Variants in MACROD2 observed in about 807,000 individuals in gnomAD.
MACROD2 encodes the protein ADP-ribose glycohydrolase MACROD2.
In MACROD2, 36 loss-of-function variants were observed where a neutral mutation model predicts 70.4. The observed-to-expected ratio is 0.51, with a 90% CI of 0.39 to 0.68. MACROD2 has a LOEUF of 0.68. Among genes scored for constraint, MACROD2 ranks in the 30% least tolerant of loss-of-function variants. The pLI, the probability that MACROD2 is intolerant of heterozygous loss-of-function variation, is 0.00. For synonymous variants in MACROD2, 172 were observed against 178.8 expected (o/e 0.96, Z 0.30); for missense variants, 496 against 538.4 (o/e 0.92, Z 0.78).
intron 8 of MACROD2, among the ~76,000 whole-genome samples, chr20:15,502,092 A>T (rs2047372088): frequency 6.6e-6 from 1 of 152,220 alleles, no homozygotes; most frequent in South Asian, 2.1e-4. Context: ...TAGAAAAAAA[A>T]ATTATGTTTG....
intron 8 of MACROD2, among the ~76,000 whole-genome samples, chr20:15,715,394 A>G (rs564024366): frequency 6.6e-6 from 1 of 152,288 alleles, no homozygotes; most frequent in South Asian, 2.1e-4. Flanking sequence ...ATTATTGCCT[A>G]AGTTAGAAAT....
Position 14,002,302 on chromosome 20 carries a change from A to G in MACROD2, c.61A>G (p.Met21Val). ...WREEKERLLKMTLEERRKEYL... is the reference protein window; with the variant it reads ...WREEKERLLKVTLEERRKEYL... ...TATTTTGCAAGAACGTTTATTGAAG[A>G]TGACCTTAGAAGAGAGACGCAAAGA... is the stretch of plus-strand genomic sequence containing the variant. The change falls in exon 2 of 18, where the codon ATG (methionine) becomes GTG (valine). Residue 21 changes from methionine to valine, a missense_variant. By Grantham distance (21) the Met-to-Val change is conservative. Coordinates refer to ENST00000684519, the MANE Select transcript of MACROD2 (RefSeq NM_001351661.2). 2 of 1,594,864 alleles carry G rather than the reference A, an allele frequency of 1.3e-6. No individual in the cohort carries two copies. Among genetic ancestry groups the G allele is most frequent in the Non-Finnish European group, 1.7e-6 (2 of 1,172,506 alleles).
At chr20:15,387,680 A>G (rs1173300759) in intron 6 of MACROD2, among the ~76,000 whole-genome samples, 1 of 151,928 alleles carries the variant, frequency 6.6e-6, no homozygotes, top group Non-Finnish European at 1.5e-5. Flanking sequence ...CCTTACAGGC[A>G]GGGGCAACTG....
chr20:14,540,563 C>A (rs901423720), intron 4 of MACROD2, among the ~76,000 whole-genome samples: 1 of 152,150 alleles, frequency 6.6e-6, no homozygotes, highest in Non-Finnish European at 1.5e-5. Context: ...CAATTACCTT[C>A]AATCTTGACA....
intron 3 of MACROD2, among the ~76,000 whole-genome samples, chr20:14,451,565 T>C (rs1274645935): frequency 1.3e-5 from 2 of 152,180 alleles, no homozygotes; most frequent in African/African-American, 4.8e-5. Flanking sequence ...ATCCCTTCAA[T>C]GGACAGAGAG....
In MACROD2 at chr20:15,669,091, G is replaced by A. The variant is rs147696439; in HGVS notation, c.645+169244G>A. Among the ~76,000 whole-genome samples, 375 of 152,216 alleles carry A rather than the reference G, an allele frequency of 2.5e-3. 2 individuals carry two copies. The highest frequency in any genetic ancestry group is 6.8e-3 in the Middle Eastern group (2 of 294). ...AATATATACTCCAACCTTTTAACAA[G>A]TGAAAAAAGTGAAGTCCAACTATGT... On this transcript the variant is annotated intron_variant, in intron 8 of 17. Transcript: ENST00000684519.
At chr20:14,254,156 T>C (rs2082034770) in intron 3 of MACROD2, among the ~76,000 whole-genome samples, 1 of 152,132 alleles carries the variant, frequency 6.6e-6, no homozygotes, top group Admixed American at 6.5e-5. Context: ...AATACATTTA[T>C]TAGTGAATTA....
chr20:14,934,419 G>A lies in MACROD2; in HGVS notation c.418+249460G>A, dbSNP rs146097046. Among the ~76,000 whole-genome samples, 661 of 152,126 alleles carry A rather than the reference G, an allele frequency of 4.3e-3. 6 individuals are homozygous for A. Among genetic ancestry groups the A allele is most frequent in the African/African-American group, 0.015 (621 of 41,496 alleles). On this transcript the variant is annotated intron_variant, in intron 5 of 17. Transcript: ENST00000684519. ...CTGTAATCCTACGCACCTTCAACCC[G>A]TCTCCCCATGAGATCAGACCATCAA...
At chr20:15,094,816 C>G (rs2075816802) in intron 5 of MACROD2, among the ~76,000 whole-genome samples, 1 of 151,856 alleles carries the variant, frequency 6.6e-6, no homozygotes, top group Non-Finnish European at 1.5e-5. Context: ...TAAGAATGTC[C>G]CTGTGTGTAA....
chr20:14,422,031 G>A (rs529661927), intron 3 of MACROD2, among the ~76,000 whole-genome samples: 4 of 152,158 alleles, frequency 2.6e-5, no homozygotes, highest in South Asian at 4.1e-4. Context: ...CCAGTATGTA[G>A]AACTATTTCT....
chr20:14,515,052 A>C lies in MACROD2; in HGVS notation c.301+21544A>C, dbSNP rs968530768. On this transcript the variant is annotated intron_variant, in intron 4 of 17. Transcript: ENST00000684519. ...CTTTATCAAAAAGAGAAGTGCTCTC[A>C]AGAAGACTGAAGAAAATCGTGAAAA... is the stretch of plus-strand genomic sequence containing the variant. Among the ~76,000 whole-genome samples, 5 of 152,238 alleles carry C rather than the reference A, an allele frequency of 3.3e-5. No homozygotes were observed. The South Asian group carries it at 8.3e-4, about 25-fold the overall frequency.
At chr20:15,382,533 A>T (rs2045658354) in intron 6 of MACROD2, among the ~76,000 whole-genome samples, 1 of 152,234 alleles carries the variant, frequency 6.6e-6, no homozygotes, top group Non-Finnish European at 1.5e-5. Context: ...AAACGTAGAC[A>T]GGAATGAATG....
At chr20:14,034,222 C>T (rs1370651068) in intron 2 of MACROD2, among the ~76,000 whole-genome samples, 2 of 152,208 alleles carry the variant, frequency 1.3e-5, no homozygotes, top group South Asian at 2.1e-4. Context: ...GATCCGCCCG[C>T]CTCAGCCTCC....
chr20:14,431,917 G>T (rs2083998853), intron 3 of MACROD2, among the ~76,000 whole-genome samples: 1 of 152,192 alleles, frequency 6.6e-6, no homozygotes, highest in African/African-American at 2.4e-5. Flanking sequence ...TCCCCAGGAT[G>T]TGAAATGGTT....
chr20:14,741,270 C>G (rs989372151), intron 5 of MACROD2, among the ~76,000 whole-genome samples: 2 of 152,036 alleles, frequency 1.3e-5, no homozygotes, highest in Non-Finnish European at 2.9e-5. Flanking sequence ...TCCTTTAGAC[C>G]AAGCATCATG....
Position 15,975,418 on chromosome 20 carries a change from G to A in MACROD2, c.985+7788G>A, listed in dbSNP as rs566234517. ...TAAACTAACACCCACCCAGAGTATG[G>A]AGATATTTATTTACTGAAATGTTCA... is the stretch of plus-strand genomic sequence containing the variant. On this transcript the variant is annotated intron_variant, in intron 13 of 17. Coordinates refer to ENST00000684519, the MANE Select transcript of MACROD2 (RefSeq NM_001351661.2). 5.2e-4 allele frequency among the ~76,000 whole-genome samples: 79 copies of A among 152,096 alleles called. No individual in the cohort carries two copies. The South Asian group carries it at 7.5e-3, about 14-fold the overall frequency.
chr20:14,927,917 A>G lies in MACROD2; in HGVS notation c.418+242958A>G, dbSNP rs576523064. On this transcript the variant is annotated intron_variant, in intron 5 of 17. Coordinates refer to ENST00000684519, the MANE Select transcript of MACROD2 (RefSeq NM_001351661.2). ...TTAGGTATCCACATTTTACCATTAT[A>G]TGTATTCAACAGTGCAGAATGCTGG... Among the ~76,000 whole-genome samples the G allele has an allele frequency of 2.6e-5, 4 of 152,316 alleles. No homozygotes were observed. In the East Asian group the frequency reaches 5.8e-4, roughly 22 times the overall value.
At chr20:15,627,193 G>T (rs1036757271) in intron 8 of MACROD2, among the ~76,000 whole-genome samples, 3 of 144,798 alleles carry the variant, frequency 2.1e-5, no homozygotes, top group Non-Finnish European at 4.5e-5. Flanking sequence ...GGAAACCTAT[G>T]GTACCAGCAG....
chr20:15,220,543 A>G (rs1346274407), intron 5 of MACROD2, among the ~76,000 whole-genome samples: 5 of 152,262 alleles, frequency 3.3e-5, no homozygotes, highest in Non-Finnish European at 1.5e-5. Flanking sequence ...GCAGGATGCC[A>G]TATGATTGGA....
Sources: gnomAD v4.1 joint callset for allele counts (sites outside exome capture counted in the v4.1 genomes callset) on GRCh38, gnomAD v4.1.1 for gene constraint, MANE v1.5 for transcripts, NCBI Gene and HGNC (gene_info 2026-07-23, HGNC 2026-07-21) for gene names.